BAIAP2L1: variants seen among roughly 807,000 people sequenced by gnomAD.
BAIAP2L1 encodes the protein BAR/IMD domain containing adaptor protein 2 like 1.
BAIAP2L1 carries 35 observed loss-of-function variants against 66.3 expected under a neutral mutation model. The ratio of observed to expected loss-of-function variants is 0.53; its 90% CI spans 0.40 to 0.70. The LOEUF (loss-of-function observed/expected upper bound fraction) is 0.70. Ranked by LOEUF, BAIAP2L1 falls within the 30% of genes least tolerant of loss-of-function variation. BAIAP2L1 has a pLI of 0.00. For missense variants in BAIAP2L1, 622 were observed against 656.9 expected, an observed-to-expected ratio of 0.95 and a Z score of 0.58; for synonymous variants, 269 against 248.7, an observed-to-expected ratio of 1.08 and a Z score of -0.77.
chr7:98,384,677 A>G (rs1802842541), intron 1 of BAIAP2L1, among the ~76,000 whole-genome samples: 1 of 144,734 alleles, frequency 6.9e-6, no homozygotes, highest in Non-Finnish European at 1.5e-5. Context: ...AGACTCTGTG[A>G]GACAGATCAT....
chr7:98,391,906 T>C (rs552251357), intron 1 of BAIAP2L1, among the ~76,000 whole-genome samples: 133 of 152,222 alleles, frequency 8.7e-4, no homozygotes, highest in African/African-American at 2.9e-3. Flanking sequence ...GGGAAAAGTA[T>C]GCCTAGTTAT....
chr7:98,315,633 A>ATAATAC (rs1218406889), intron 6 of BAIAP2L1, 21 bp from the exon 7 acceptor site: 2 of 1,105,696 alleles, frequency 1.8e-6, no homozygotes, highest in Non-Finnish European at 2.4e-6. Context: ...AAAAATAATA[A>ATAATAC]TAATAATAAT....
chr7:98,350,116 GA>G lies in BAIAP2L1; in HGVS notation c.214+4925del, dbSNP rs75656703. ...GTAAGACCCTGCCTCAAAAAGGGGG[GA>G]AAAAAAAAAAGAACATACTGACTGG... On this transcript the variant is annotated intron_variant, in intron 3 of 13. Coordinates refer to ENST00000005260, the MANE Select transcript of BAIAP2L1 (RefSeq NM_018842.5). 6.8e-3 allele frequency among the ~76,000 whole-genome samples: 1,009 copies of G among 147,502 alleles called. 11 individuals are homozygous for G. The highest frequency in any genetic ancestry group is 0.018 in the African/African-American group (738 of 39,948).
rs775363841 is a variant in BAIAP2L1 at position 98,293,605 on chromosome 7, G to T, written c.1461-9C>A. The stretch of plus-strand genomic sequence containing the variant: ...CAAAGGGGTTTTCTCCGCTGCAGGG[G>T]ATAAGAAAAATCTTTCAGAACTTCT... On this transcript the variant is annotated splice_polypyrimidine_tract_variant and intron_variant, in intron 13 of 13. Coordinates refer to ENST00000005260, the MANE Select transcript of BAIAP2L1 (RefSeq NM_018842.5). 16 of 1,611,722 alleles carry T rather than the reference G, an allele frequency of 9.9e-6. No homozygotes were observed. In the African/African-American group the frequency reaches 1.7e-4, roughly 17 times the overall value.
chr7:98,363,031 T>TC (rs372754449), intron 1 of BAIAP2L1, among the ~76,000 whole-genome samples: 51,994 of 130,954 alleles, frequency 0.4, 11,056 homozygotes, highest in Middle Eastern at 0.54. Context: ...TTTTTTCTTT[T>TC]TTTTTTTTTT....
At position 98,357,665 on chromosome 7, in the gene BAIAP2L1, A is replaced by G. The variant is rs532646461; in HGVS notation, c.128-2537T>C. ...CTTTAGGAAATGCAATATTCTATCTACTGCACTATTATAAGACTCAGAACA... is the reference window on the plus strand; with the variant it reads ...CTTTAGGAAATGCAATATTCTATCTGCTGCACTATTATAAGACTCAGAACA... On this transcript the variant is annotated intron_variant, in intron 2 of 13. Transcript: ENST00000005260. Among the ~76,000 whole-genome samples the G allele has an allele frequency of 6.6e-5, 10 of 152,008 alleles. 1 individual carries two copies. In the South Asian group the frequency reaches 2.1e-3, roughly 32 times the overall value.
At position 98,292,575 on chromosome 7, in the gene BAIAP2L1, A is replaced by T. The variant is rs1800013182; in HGVS notation, c.*946T>A. ...CAGCCAGTGCGTAGTCCTCACATCC[A>T]TACCATAGGGCCAGGTTCCGAGGGC... On this transcript the variant is annotated 3_prime_UTR_variant, in exon 14 of 14. Coordinates refer to ENST00000005260, the MANE Select transcript of BAIAP2L1 (RefSeq NM_018842.5). The T allele has an allele frequency of 6.7e-7, 1 of 1,486,370 alleles. No homozygotes were observed. The highest frequency in any genetic ancestry group is 9.2e-7 in the Non-Finnish European group (1 of 1,087,774). The allele number at this position is 1,486,370 out of a possible 1,614,324, so 92.1% of individuals were successfully genotyped here.
chr7:98,322,191 A>G (rs1801268805), intron 3 of BAIAP2L1, among the ~76,000 whole-genome samples: 1 of 152,066 alleles, frequency 6.6e-6, no homozygotes, highest in Non-Finnish European at 1.5e-5. Flanking sequence ...AGAGAGAGAA[A>G]GCACAGACTG....
rs145105194 is a variant in BAIAP2L1 at position 98,350,952 on chromosome 7, G to A, written c.214+4090C>T. Among the ~76,000 whole-genome samples, 63 of 152,200 alleles carry A rather than the reference G, an allele frequency of 4.1e-4. No homozygotes were observed. The East Asian group carries it at 0.012, about 29-fold the overall frequency. ...GCTCACTGCAAACTCTGCCTCCCGG[G>A]TTCAAGTGATTCTCCTGTATCAGCC... On this transcript the variant is annotated intron_variant, in intron 3 of 13. Coordinates refer to ENST00000005260, the MANE Select transcript of BAIAP2L1 (RefSeq NM_018842.5).
chr7:98,347,026 C>T (rs1801886936), intron 3 of BAIAP2L1, among the ~76,000 whole-genome samples: 1 of 151,878 alleles, frequency 6.6e-6, no homozygotes, highest in Non-Finnish European at 1.5e-5. Flanking sequence ...AACAACAAAA[C>T]AAAACAAAAC....
intron 12 of BAIAP2L1, among the ~76,000 whole-genome samples, chr7:98,299,928 C>T (rs959875962): frequency 1.1e-4 from 16 of 152,132 alleles, no homozygotes; most frequent in African/African-American, 3.9e-4. Flanking sequence ...GTAGTCCCAG[C>T]TACTTAGGAG....
chr7:98,304,155 C>T (rs775439741), intron 12 of BAIAP2L1, 41 bp downstream of exon 12: 45 of 1,505,174 alleles, frequency 3.0e-5, no homozygotes, highest in Admixed American at 1.9e-4. Context: ...TCGGGGATGG[C>T]GAGTCCAGGA....
chr7:98,387,105 C>G (rs6465682), intron 1 of BAIAP2L1, among the ~76,000 whole-genome samples: 6 of 151,870 alleles, frequency 4.0e-5, no homozygotes, highest in Non-Finnish European at 8.8e-5. Context: ...GAGACAAAAC[C>G]AAGTCCAAAT....
intron 12 of BAIAP2L1, among the ~76,000 whole-genome samples, chr7:98,294,513 A>C (rs1166009329): frequency 6.6e-6 from 1 of 152,200 alleles, no homozygotes; most frequent in Admixed American, 6.5e-5. Flanking sequence ...TCGGGAGCTC[A>C]CATGTGAACG....
chr7:98,307,587 G>T, intron 10 of BAIAP2L1, 102 bp downstream of exon 10: 1 of 1,524,650 alleles, frequency 6.6e-7, no homozygotes. Context: ...ACTTAACTTT[G>T]GCTAAAATGT....
intron 1 of BAIAP2L1, among the ~76,000 whole-genome samples, chr7:98,394,828 C>G (rs1161013725): frequency 6.6e-6 from 1 of 152,130 alleles, no homozygotes; most frequent in African/African-American, 2.4e-5. Context: ...GAACATAATC[C>G]CAGCTGGGCA....
intron 11 of BAIAP2L1, among the ~76,000 whole-genome samples, chr7:98,305,070 T>TA (rs1584430058): frequency 2.7e-4 from 40 of 146,736 alleles, no homozygotes; most frequent in African/African-American, 8.4e-4. Flanking sequence ...TTTTTTTTTT[T>TA]AGTAGAGACG....
At chr7:98,323,709 G>A (rs1330692631) in intron 3 of BAIAP2L1, among the ~76,000 whole-genome samples, 1 of 152,182 alleles carries the variant, frequency 6.6e-6, no homozygotes, top group Non-Finnish European at 1.5e-5. Context: ...CACTCTGCGG[G>A]CAGGCAGGCA....
At chr7:98,383,995 A>T (rs1277032228) in intron 1 of BAIAP2L1, among the ~76,000 whole-genome samples, 1 of 152,028 alleles carries the variant, frequency 6.6e-6, no homozygotes, top group Non-Finnish European at 1.5e-5. Flanking sequence ...CTCTACTAAA[A>T]ATACAAAAAT....
Sources: allele counts gnomAD v4.1 joint callset (sites outside exome capture counted in the v4.1 genomes callset), GRCh38; gene constraint gnomAD v4.1.1; transcripts MANE v1.5; gene names NCBI Gene and HGNC (gene_info 2026-07-23, HGNC 2026-07-21).